Variants in CNTNAP2 observed in about 807,000 individuals in gnomAD.
CNTNAP2 encodes the protein contactin-associated protein-like 2.
A neutral mutation model predicts 155.2 loss-of-function variants in CNTNAP2; 98 were observed. The ratio of observed to expected loss-of-function variants is 0.63; its 90% CI spans 0.54 to 0.75. The LOEUF (loss-of-function observed/expected upper bound fraction) is 0.75, where lower values mean the gene tolerates loss of function less well. Ranked by LOEUF, CNTNAP2 falls within the 30% of genes least tolerant of loss-of-function variation. The probability of loss-of-function intolerance (pLI) is 0.00; values close to 1 mark genes in which losing one functional copy is unlikely to be tolerated. For synonymous variants in CNTNAP2, 651 were observed against 631.2 expected, an observed-to-expected ratio of 1.03 and a Z score of -0.47; for missense variants, 1,727 against 1,688.1, an observed-to-expected ratio of 1.02 and a Z score of -0.40.
intron 8 of CNTNAP2, among the ~76,000 whole-genome samples, chr7:147,168,255 T>C (rs1161124336): frequency 6.6e-6 from 1 of 151,438 alleles, no homozygotes; most frequent in African/African-American, 2.4e-5. Context: ...ATAAAATATA[T>C]GTATAAAACT....
chr7:146,307,739 C>G (rs1011287173), intron 1 of CNTNAP2, among the ~76,000 whole-genome samples: 1 of 152,148 alleles, frequency 6.6e-6, no homozygotes, highest in African/African-American at 2.4e-5. Flanking sequence ...AAAGGATTCC[C>G]TATTTAATAA....
chr7:146,698,121 C>T (rs927177825), intron 1 of CNTNAP2, among the ~76,000 whole-genome samples: 1 of 152,048 alleles, frequency 6.6e-6, no homozygotes, highest in African/African-American at 2.4e-5. Flanking sequence ...TAACATTGCT[C>T]ATTCATTTCT....
At chr7:148,125,151 CG>C (rs1804688219) in intron 16 of CNTNAP2, among the ~76,000 whole-genome samples, 1 of 151,830 alleles carries the variant, frequency 6.6e-6, no homozygotes, top group South Asian at 2.1e-4. Flanking sequence ...CTAAAATGAA[CG>C]TAAGAAGAAG....
intron 1 of CNTNAP2, among the ~76,000 whole-genome samples, chr7:146,138,900 C>CT (rs2116752749): frequency 6.6e-6 from 1 of 152,258 alleles, no homozygotes; most frequent in African/African-American, 2.4e-5. Flanking sequence ...ACCACAAACA[C>CT]TTATCAAATA....
chr7:147,179,666 A>T (rs1278841569), intron 8 of CNTNAP2, among the ~76,000 whole-genome samples: 1 of 152,160 alleles, frequency 6.6e-6, no homozygotes, highest in East Asian at 1.9e-4. Context: ...TGAAGGATGG[A>T]AGAGTGGGCA....
At chr7:146,996,108 T>C (rs1272579207) in intron 3 of CNTNAP2, among the ~76,000 whole-genome samples, 1 of 152,164 alleles carries the variant, frequency 6.6e-6, no homozygotes. Context: ...GGATTTAGTT[T>C]TATTCTCTGC....
chr7:146,931,939 T>A (rs1796768854), intron 3 of CNTNAP2, among the ~76,000 whole-genome samples: 1 of 152,020 alleles, frequency 6.6e-6, no homozygotes. Context: ...ATTGTGGCAA[T>A]AATCAATAGC....
intron 3 of CNTNAP2, among the ~76,000 whole-genome samples, chr7:147,019,570 T>A (rs1004253737): frequency 6.6e-6 from 1 of 152,098 alleles, no homozygotes; most frequent in Non-Finnish European, 1.5e-5. Flanking sequence ...TATTGGAATA[T>A]TCATCAGGAT....
At chr7:146,634,198 G>C (rs1799559129) in intron 1 of CNTNAP2, among the ~76,000 whole-genome samples, 1 of 152,182 alleles carries the variant, frequency 6.6e-6, no homozygotes, top group South Asian at 2.1e-4. Flanking sequence ...AGATTACAGT[G>C]TGGCTATTCT....
At chr7:147,313,311 G>A (rs1174197997) in intron 9 of CNTNAP2, among the ~76,000 whole-genome samples, 1 of 150,812 alleles carries the variant, frequency 6.6e-6, no homozygotes, top group Non-Finnish European at 1.5e-5. Flanking sequence ...CATTGCTTTT[G>A]GTGTTTTAGA....
chr7:146,650,492 A>ATGAGAAC (rs1436197297), intron 1 of CNTNAP2, among the ~76,000 whole-genome samples: 1 of 152,018 alleles, frequency 6.6e-6, no homozygotes, highest in African/African-American at 2.4e-5. Context: ...GAGTTGAACA[A>ATGAGAAC]TGAGAACACA....
rs145525385 is a variant in CNTNAP2 at position 146,660,496 on chromosome 7, A to G, written c.98-113775A>G. Among the ~76,000 whole-genome samples the G allele has an allele frequency of 6.1e-3, 922 of 152,364 alleles. 4 individuals carry two copies. Among genetic ancestry groups the G allele is most frequent in the Non-Finnish European group, 0.011 (720 of 68,030 alleles). ...TTTAAGATAGTAATGTGTACTTCAA[A>G]TTGTTGTTACAAAATTAAAAGAGGT... On this transcript the variant is annotated intron_variant, in intron 1 of 23. Coordinates refer to ENST00000361727, the MANE Select transcript of CNTNAP2 (RefSeq NM_014141.6).
chr7:146,521,412 T>A (rs772604216), intron 1 of CNTNAP2, among the ~76,000 whole-genome samples: 1 of 151,986 alleles, frequency 6.6e-6, no homozygotes. Flanking sequence ...TTCAGCCGAT[T>A]TTTTTGTACC....
At position 146,722,168 on chromosome 7, in the gene CNTNAP2, G is replaced by A. The variant is rs546837513; in HGVS notation, c.98-52103G>A. Among the ~76,000 whole-genome samples, 10 of 151,938 alleles carry A rather than the reference G, an allele frequency of 6.6e-5. No homozygotes were observed. The South Asian group carries it at 2.1e-3, about 31-fold the overall frequency. On this transcript the variant is annotated intron_variant, in intron 1 of 23. Coordinates refer to ENST00000361727, the MANE Select transcript of CNTNAP2 (RefSeq NM_014141.6). Reference sequence around the variant, plus strand: ...GCCTCCCAAAGTGCTGGGATTACAGGTGTGAGCCAGCATGCCCAGCCCTCC... The same window carrying A: ...GCCTCCCAAAGTGCTGGGATTACAGATGTGAGCCAGCATGCCCAGCCCTCC...
At chr7:147,958,959 C>A (rs1227839673) in intron 14 of CNTNAP2, among the ~76,000 whole-genome samples, 1 of 152,058 alleles carries the variant, frequency 6.6e-6, no homozygotes, top group Non-Finnish European at 1.5e-5. Context: ...TGTGTCAGTG[C>A]AACACATCTA....
chr7:146,309,670 C>A (rs555344846), intron 1 of CNTNAP2, among the ~76,000 whole-genome samples: 3 of 151,722 alleles, frequency 2.0e-5, no homozygotes, highest in Non-Finnish European at 4.4e-5. Flanking sequence ...GGCGTGTTGG[C>A]GGGCGACTGT....
intron 1 of CNTNAP2, among the ~76,000 whole-genome samples, chr7:146,187,283 A>G (rs12703785): frequency 0.3 from 46,148 of 152,008 alleles, 8,171 homozygotes; most frequent in African/African-American, 0.49. Flanking sequence ...GCTCTAACAG[A>G]AGATGGGTCA....
chr7:146,629,068 A>G (rs1191071246), intron 1 of CNTNAP2, among the ~76,000 whole-genome samples: 1 of 152,158 alleles, frequency 6.6e-6, no homozygotes, highest in East Asian at 1.9e-4. Flanking sequence ...AGGTCACAAT[A>G]CATGCTTTTG....
intron 12 of CNTNAP2, among the ~76,000 whole-genome samples, chr7:147,588,516 G>A (rs1190849223): frequency 6.6e-6 from 1 of 152,100 alleles, no homozygotes. Flanking sequence ...ATATTTTAAT[G>A]CAAAAGAAGA....
Sources: allele counts gnomAD v4.1 joint callset (sites outside exome capture counted in the v4.1 genomes callset), GRCh38; gene constraint gnomAD v4.1.1; transcripts MANE v1.5; gene names NCBI Gene and HGNC (gene_info 2026-07-23, HGNC 2026-07-21).